HIPK2: variants seen among roughly 807,000 people sequenced by gnomAD.
The protein encoded by HIPK2 is homeodomain-interacting protein kinase 2.
A neutral mutation model predicts 113.7 loss-of-function variants in HIPK2; 27 were observed. The ratio of observed to expected loss-of-function variants is 0.24; its 90% CI spans 0.17 to 0.33. The LOEUF (loss-of-function observed/expected upper bound fraction) is 0.33. Ranked by LOEUF, HIPK2 falls within the 10% of genes least tolerant of loss-of-function variation. The pLI is 1.00. For synonymous variants in HIPK2, 631 were observed against 642.2 expected, an observed-to-expected ratio of 0.98 and a Z score of 0.26; for missense variants, 1,257 against 1,588.0, an observed-to-expected ratio of 0.79 and a Z score of 3.54.
chr7:139,726,064 T>C (rs1307169099), intron 1 of HIPK2, among the ~76,000 whole-genome samples: 1 of 152,216 alleles, frequency 6.6e-6, no homozygotes, highest in Non-Finnish European at 1.5e-5. Context: ...TCAACAACAA[T>C]GACCCTGAGT....
At chr7:139,672,219 C>G (rs981361236) in intron 2 of HIPK2, among the ~76,000 whole-genome samples, 4 of 152,158 alleles carry the variant, frequency 2.6e-5, no homozygotes, top group Non-Finnish European at 1.5e-5. Flanking sequence ...TTACATCTAC[C>G]TCATAACACT....
At chr7:139,712,624 ATGCAGCTGAAAGCATCT>A (rs1212013692) in intron 2 of HIPK2, among the ~76,000 whole-genome samples, 1 of 152,246 alleles carries the variant, frequency 6.6e-6, no homozygotes, top group Non-Finnish European at 1.5e-5. Context: ...CACGATGCAG[ATGCAGCTGAAAGCATCT>A]GAAAGCGTCT....
At chr7:139,684,790 A>C (rs1273961128) in intron 2 of HIPK2, among the ~76,000 whole-genome samples, 1 of 152,246 alleles carries the variant, frequency 6.6e-6, no homozygotes, top group East Asian at 1.9e-4. Flanking sequence ...AATGCAAAGA[A>C]AACATTCTTG....
chr7:139,604,794 C>A (rs1799565372), intron 9 of HIPK2, among the ~76,000 whole-genome samples: 1 of 149,816 alleles, frequency 6.7e-6, no homozygotes, highest in African/African-American at 2.5e-5. Flanking sequence ...AGAATGATTT[C>A]TTTATAAATT....
At chr7:139,682,696 T>C (rs1418138198) in intron 2 of HIPK2, among the ~76,000 whole-genome samples, 4 of 152,210 alleles carry the variant, frequency 2.6e-5, no homozygotes, top group South Asian at 4.1e-4. Flanking sequence ...ATGCGCCTAA[T>C]GGTAAATCTC....
chr7:139,735,073 GAAGT>G (rs1336480553), intron 1 of HIPK2, among the ~76,000 whole-genome samples: 6 of 151,874 alleles, frequency 4.0e-5, no homozygotes, highest in African/African-American at 1.4e-4. Flanking sequence ...GTGAAGTCTA[GAAGT>G]AAGTCATAGG....
At chr7:139,627,927 T>C (rs1199745470) in intron 5 of HIPK2, among the ~76,000 whole-genome samples, 2 of 152,070 alleles carry the variant, frequency 1.3e-5, no homozygotes, top group Non-Finnish European at 2.9e-5. Flanking sequence ...CAGTCCCCAG[T>C]TGGTGTGAAT....
rs1800612639 is a variant in HIPK2 at position 139,631,414 on chromosome 7, G to GA, written c.1228-131dup. On this transcript the variant is annotated intron_variant, in intron 3 of 14. Coordinates refer to ENST00000406875, the MANE Select transcript of HIPK2 (RefSeq NM_022740.5). This position sits in a 1 kb window ranked among gnomAD's most constrained non-coding sequence, Gnocchi z 4.9. ...TAGGGAAAGAAGTTAACAAAAAAGAGAAAAAAGAAAAAGGGAAAAGAGAAA... is the reference window on the plus strand; with the variant it reads ...TAGGGAAAGAAGTTAACAAAAAAGAGAAAAAAAGAAAAAGGGAAAAGAGAAA... 4 of 1,434,146 alleles carry GA rather than the reference G, an allele frequency of 2.8e-6. No homozygotes were observed. In the South Asian group the frequency reaches 5.9e-5, roughly 21 times the overall value. 88.8% of individuals were successfully genotyped at this position (1,434,146 alleles called of 1,614,324 possible).
At position 139,564,040 on chromosome 7, in the gene HIPK2, ACCAGGCT is replaced by A. The variant is rs1798023379; in HGVS notation, c.*8880_*8886del. On this transcript the variant is annotated 3_prime_UTR_variant, in exon 15 of 15. Coordinates refer to ENST00000406875, the MANE Select transcript of HIPK2 (RefSeq NM_022740.5). ...GTCTGTTTAGAGTGGGTCTCAATGGACCAGGCTGAGCTGCCCCTCTGTCTCTGCCTCC... is the reference window on the plus strand; with the variant it reads ...GTCTGTTTAGAGTGGGTCTCAATGGAGAGCTGCCCCTCTGTCTCTGCCTCC... 1 of 398,022 alleles carries A rather than the reference ACCAGGCT, an allele frequency of 2.5e-6. No individual in the cohort carries two copies. The highest frequency in any genetic ancestry group is 2.1e-5 in the African/African-American group (1 of 48,612). 24.7% of individuals were successfully genotyped at this position (398,022 alleles called of 1,614,324 possible).
chr7:139,596,641 T>A lies in HIPK2; in HGVS notation c.2717+76A>T, dbSNP rs1436264425. 1.4e-5 allele frequency: 22 copies of A among 1,543,636 alleles called. No individual in the cohort carries two copies. In the Admixed American group the frequency reaches 2.8e-4, roughly 19 times the overall value. ...AGAGAGGGATCCTTATGTTTGATGA[T>A]GGAAGATGGTCAGATCTGCACACAA... is the stretch of plus-strand genomic sequence containing the variant. On this transcript the variant is annotated intron_variant, in intron 12 of 14. Transcript: ENST00000406875.
chr7:139,626,280 T>C (rs1800425895), intron 6 of HIPK2, among the ~76,000 whole-genome samples: 1 of 151,992 alleles, frequency 6.6e-6, no homozygotes, highest in African/African-American at 2.4e-5. Flanking sequence ...TTTTTGTATT[T>C]TTAGTAGAGA....
At chr7:139,585,208 C>T (rs1365261466) in intron 12 of HIPK2, among the ~76,000 whole-genome samples, 1 of 152,226 alleles carries the variant, frequency 6.6e-6, no homozygotes, top group Non-Finnish European at 1.5e-5. Context: ...GTCACAGCCA[C>T]CTCCCGGGTA....
At chr7:139,639,556 C>T (rs528121619) in intron 2 of HIPK2, among the ~76,000 whole-genome samples, 7 of 152,230 alleles carry the variant, frequency 4.6e-5, no homozygotes, top group African/African-American at 1.7e-4. Context: ...GAAGTGTGTA[C>T]ATAGTACACA....
intron 2 of HIPK2, among the ~76,000 whole-genome samples, chr7:139,686,938 A>T (rs778919604): frequency 6.6e-6 from 1 of 152,216 alleles, no homozygotes; most frequent in Non-Finnish European, 1.5e-5. Context: ...CACTGCTGTC[A>T]TTTTGACAAA....
At chr7:139,658,280 T>C (rs918209972) in intron 2 of HIPK2, among the ~76,000 whole-genome samples, 6 of 147,404 alleles carry the variant, frequency 4.1e-5, no homozygotes, top group Non-Finnish European at 8.9e-5. Flanking sequence ...CACTCCAGCC[T>C]AGGTGACAAC....
At chr7:139,639,683 A>G (rs1243756651) in intron 2 of HIPK2, among the ~76,000 whole-genome samples, 1 of 152,196 alleles carries the variant, frequency 6.6e-6, no homozygotes, top group Non-Finnish European at 1.5e-5. Flanking sequence ...GAGCAGCGCA[A>G]GTCCCCCAAC....
rs750870472 is a variant in HIPK2, at chr7:139,714,748, G to A, written c.1103+1184C>T. ...CATGGGAGTTTCAGTTTTGTTTCTT[G>A]TGACCTCTATCTCCACTGCACTGTT... On this transcript the variant is annotated intron_variant, in intron 2 of 14. Transcript: ENST00000406875. The surrounding 1 kb of genome is among the most constrained non-coding windows in gnomAD (Gnocchi z 4.2). Among the ~76,000 whole-genome samples, 3 of 152,280 alleles carry A rather than the reference G, an allele frequency of 2.0e-5. No homozygotes were observed. The East Asian group carries it at 5.8e-4, about 29-fold the overall frequency.
At chr7:139,640,693 A>G (rs1298851770) in intron 2 of HIPK2, among the ~76,000 whole-genome samples, 2 of 151,854 alleles carry the variant, frequency 1.3e-5, no homozygotes, top group African/African-American at 2.4e-5. Flanking sequence ...TCTGTTGTCC[A>G]GGCTGGAGTG....
chr7:139,595,512 C>T (rs1433665650), intron 12 of HIPK2, among the ~76,000 whole-genome samples: 1 of 152,122 alleles, frequency 6.6e-6, no homozygotes, highest in Admixed American at 6.6e-5. Context: ...GACCTGGGTC[C>T]CCTCTGACAC....
Sources: gnomAD v4.1 joint callset for allele counts (sites outside exome capture counted in the v4.1 genomes callset) on GRCh38, gnomAD v4.1.1 for gene constraint, Gnocchi (gnomAD v3.1) non-coding constraint, MANE v1.5 for transcripts, NCBI Gene and HGNC (gene_info 2026-07-23, HGNC 2026-07-21) for gene names.